ST8SIA3: variants seen among roughly 807,000 people sequenced by gnomAD.
ST8SIA3 encodes alpha-N-acetylneuraminate alpha-2,8-sialyltransferase ST8SIA3.
In ST8SIA3, 17 loss-of-function variants were observed where a neutral mutation model predicts 34.5. The observed-to-expected ratio is 0.49, with a 90% CI of 0.34 to 0.74. The LOEUF (loss-of-function observed/expected upper bound fraction) is 0.74, where lower values mean the gene tolerates loss of function less well. Among genes scored for constraint, ST8SIA3 ranks in the 30% least tolerant of loss-of-function variants. ST8SIA3 has a pLI of 0.01. For synonymous variants in ST8SIA3, 172 were observed against 176.1 expected (o/e 0.98, Z 0.19); for missense variants, 354 against 467.8 (o/e 0.76, Z 2.24).
chr18:57,364,268 A>C lies in ST8SIA3; in HGVS notation c.*3991A>C, dbSNP rs1402840479. On this transcript the variant is annotated 3_prime_UTR_variant, in exon 4 of 4. Coordinates refer to ENST00000324000, the MANE Select transcript of ST8SIA3 (RefSeq NM_015879.3). ...AACCTTGTTTTAGTAATATACATGC[A>C]TAATTTAGAAGTTGAAGGCTGAAAA... 6.6e-6 allele frequency: 1 copy of C among 152,218 alleles called. No homozygotes were observed. The highest frequency in any genetic ancestry group is 2.4e-5 in the African/African-American group (1 of 41,454). The allele number at this position is 152,218 out of a possible 1,614,324, so 9.4% of individuals were successfully genotyped here.
At chr18:57,354,367 C>T (rs1431901815) in intron 1 of ST8SIA3, 35 bp from the exon 2 acceptor site, 2 of 1,612,932 alleles carry the variant, frequency 1.2e-6, no homozygotes, top group East Asian at 2.2e-5. Flanking sequence ...CGAGCTGAGG[C>T]CAGCACGCTT....
rs2049769004 is a variant in ST8SIA3 at position 57,352,614 on chromosome 18, C to T, written c.-233C>T. On this transcript the variant is annotated 5_prime_UTR_variant, in exon 1 of 4. Coordinates refer to ENST00000324000, the MANE Select transcript of ST8SIA3 (RefSeq NM_015879.3). ...TTCCTGCTCGGCACCGGGCCCCGCG[C>T]GCCCCTGCCTACGGGGTCCCGCTGC... 1 of 530,398 alleles carries T rather than the reference C, an allele frequency of 1.9e-6. No homozygotes were observed. The highest frequency in any genetic ancestry group is 3.4e-6 in the Non-Finnish European group (1 of 297,914). The allele number at this position is 530,398 out of a possible 1,614,324, so 32.9% of individuals were successfully genotyped here.
chr18:57,362,216 G>A lies in ST8SIA3; in HGVS notation c.*1939G>A, dbSNP rs974975423. 2 of 152,186 alleles carry A rather than the reference G, an allele frequency of 1.3e-5. No individual in the cohort carries two copies. The highest frequency in any genetic ancestry group is 4.8e-5 in the African/African-American group (2 of 41,444). 9.4% of individuals were successfully genotyped at this position (152,186 alleles called of 1,614,324 possible). Reference sequence around the variant, plus strand: ...GTTTGTTCCCTGTCCCTTTGAAGAGGACTGTACTACCATCCTCACACTGTG... The same window carrying A: ...GTTTGTTCCCTGTCCCTTTGAAGAGAACTGTACTACCATCCTCACACTGTG... On this transcript the variant is annotated 3_prime_UTR_variant, in exon 4 of 4. Coordinates refer to ENST00000324000, the MANE Select transcript of ST8SIA3 (RefSeq NM_015879.3).
Position 57,352,680 on chromosome 18 carries a change from G to GGCT in ST8SIA3, c.-167_-166insGCT. 2.9e-6 allele frequency: 1 copy of GGCT among 349,028 alleles called. No homozygotes were observed. Among genetic ancestry groups the GGCT allele is most frequent in the Non-Finnish European group, 5.5e-6 (1 of 180,816 alleles). 21.6% of individuals were successfully genotyped at this position (349,028 alleles called of 1,614,324 possible). A position where few individuals can be genotyped will look rare whatever the true frequency, so the allele number is the denominator to read the frequency against. ...CCAGCCCCAACCCCCGGCCCCGGTG[G>GGCT]CCTCCCCCCACCCCCGCCCGGGTCC... On this transcript the variant is annotated 5_prime_UTR_variant, in exon 1 of 4. Transcript: ENST00000324000.
chr18:57,366,294 A>C lies in ST8SIA3; in HGVS notation c.*6017A>C, dbSNP rs1289685278. 2 of 152,542 alleles carry C rather than the reference A, an allele frequency of 1.3e-5. No individual in the cohort carries two copies. Among genetic ancestry groups the C allele is most frequent in the Non-Finnish European group, 2.9e-5 (2 of 68,040 alleles). 9.4% of individuals were successfully genotyped at this position (152,542 alleles called of 1,614,324 possible). On this transcript the variant is annotated 3_prime_UTR_variant, in exon 4 of 4. Coordinates refer to ENST00000324000, the MANE Select transcript of ST8SIA3 (RefSeq NM_015879.3). Reference sequence around the variant, plus strand: ...GTAAAAGAGCATATTATTGGATCCCAAGGTGTTCAAATATTCCACGTGACT... The same window carrying C: ...GTAAAAGAGCATATTATTGGATCCCCAGGTGTTCAAATATTCCACGTGACT...
rs2049874350 is a variant in ST8SIA3 at position 57,368,611 on chromosome 18, G to GAC, written c.*8335_*8336dup. On this transcript the variant is annotated 3_prime_UTR_variant, in exon 4 of 4. Coordinates refer to ENST00000324000, the MANE Select transcript of ST8SIA3 (RefSeq NM_015879.3). ...AGAAGCCGAGGGCCTTAACAAATCA[G>GAC]ACTGACCTCCCTTGTGACAGGCAGC... is the stretch of plus-strand genomic sequence containing the variant. 6.6e-6 allele frequency: 1 copy of GAC among 152,192 alleles called. No individual in the cohort carries two copies. The allele number at this position is 152,192 out of a possible 1,614,324, so 9.4% of individuals were successfully genotyped here. A position where few individuals can be genotyped will look rare whatever the true frequency, so the allele number is the denominator to read the frequency against.
In ST8SIA3 at chr18:57,368,352, A is replaced by C. The variant is rs373690712; in HGVS notation, c.*8075A>C. 6 of 152,336 alleles carry C rather than the reference A, an allele frequency of 3.9e-5. No individual in the cohort carries two copies. The highest frequency in any genetic ancestry group is 2.1e-4 in the South Asian group (1 of 4,820). 9.4% of individuals were successfully genotyped at this position (152,336 alleles called of 1,614,324 possible). ...CTCTTTAAGAGTAATGATGAAACCA[A>C]AAGGTCAAAAAGTAGAAGAATAGCG... On this transcript the variant is annotated 3_prime_UTR_variant, in exon 4 of 4. Coordinates refer to ENST00000324000, the MANE Select transcript of ST8SIA3 (RefSeq NM_015879.3).
Position 57,362,761 on chromosome 18 carries a change from A to C in ST8SIA3, c.*2484A>C, listed in dbSNP as rs2049839044. 1 of 152,194 alleles carries C rather than the reference A, an allele frequency of 6.6e-6. No individual in the cohort carries two copies. The highest frequency in any genetic ancestry group is 2.4e-5 in the African/African-American group (1 of 41,446). The allele number at this position is 152,194 out of a possible 1,614,324, so 9.4% of individuals were successfully genotyped here. On this transcript the variant is annotated 3_prime_UTR_variant, in exon 4 of 4. Coordinates refer to ENST00000324000, the MANE Select transcript of ST8SIA3 (RefSeq NM_015879.3). ...GACTTCCTGGAGATGATCCCAATAG[A>C]TCACCCTTCACTTTTGAAGAATAGC...
intron 3 of ST8SIA3, 126 bp from the exon 4 acceptor site, chr18:57,359,869 T>C (rs1598903590): frequency 1.2e-6 from 1 of 821,590 alleles, no homozygotes; most frequent in Non-Finnish European, 1.9e-6. Context: ...GCCTAAAATA[T>C]AATTTCAAAA....
chr18:57,354,523 A>G lies in ST8SIA3; in HGVS notation c.301A>G (p.Arg101Gly). ...TAATCGGACAGCGTTTTTACATCAA[A>G]GGTAGGATAGGAGGAAAAGATCCAA... ...KFNRTAFLHQRQEILQHVDVI... is the reference protein window; with the variant it reads ...KFNRTAFLHQGQEILQHVDVI... Residue 101 changes from arginine to glycine, a missense_variant and splice_region_variant, in exon 2 of 4, where the codon AGG becomes GGG. Arg to Gly is a moderately radical substitution (Grantham distance 125, BLOSUM62 -2). Around this residue, in one of 3 missense-constraint regions of ST8SIA3, gnomAD observed 184 missense variants for 205.4 expected, o/e 0.90. Coordinates refer to ENST00000324000, the MANE Select transcript of ST8SIA3 (RefSeq NM_015879.3). 1 of 1,614,042 alleles carries G rather than the reference A, an allele frequency of 6.2e-7. No individual in the cohort carries two copies. Among genetic ancestry groups the G allele is most frequent in the Non-Finnish European group, 8.5e-7 (1 of 1,179,908 alleles).
chr18:57,364,190 T>C lies in ST8SIA3; in HGVS notation c.*3913T>C, dbSNP rs1373915503. On this transcript the variant is annotated 3_prime_UTR_variant, in exon 4 of 4. Transcript: ENST00000324000. ...TGATAAATAACAATTAAGTTACTGG[T>C]GGTTCATGCTTGACAGCTGCAATCT... 2 of 152,198 alleles carry C rather than the reference T, an allele frequency of 1.3e-5. No homozygotes were observed. Among genetic ancestry groups the C allele is most frequent in the Admixed American group, 1.3e-4 (2 of 15,282 alleles). The allele number at this position is 152,198 out of a possible 1,614,324, so 9.4% of individuals were successfully genotyped here. A position where few individuals can be genotyped will look rare whatever the true frequency, so the allele number is the denominator to read the frequency against.
chr18:57,353,049 T>C (rs569322021), intron 1 of ST8SIA3, 24 bp downstream of exon 1: 9 of 1,596,348 alleles, frequency 5.6e-6, no homozygotes, highest in African/African-American at 2.7e-5. Flanking sequence ...TCTGTGTTAG[T>C]GCCCTCGGGA....
Position 57,360,150 on chromosome 18 carries a change from A to T in ST8SIA3, c.1016A>T (p.Tyr339Phe). Reference sequence around the variant, plus strand: ...AGGGAAGATCTTCCATACCATTACTATGACAAAAAAGGAACCAAATTTACC... The same window carrying T: ...AGGGAAGATCTTCCATACCATTACTTTGACAAAAAAGGAACCAAATTTACC... Reference protein sequence around the residue: ...NTREDLPYHYYDKKGTKFTTK... With the variant: ...NTREDLPYHYFDKKGTKFTTK... The change falls in exon 4 of 4, where the codon TAT becomes TTT. Residue 339 changes from tyrosine (Y) to phenylalanine (F), a missense_variant. Physicochemically the swap from Tyr to Phe is conservative, Grantham distance 22. This residue lies in a region of ST8SIA3 where 166 missense variants were observed against 245.2 expected (regional missense o/e 0.68). Coordinates refer to ENST00000324000, the MANE Select transcript of ST8SIA3 (RefSeq NM_015879.3). The T allele has an allele frequency of 1.2e-6, 2 of 1,614,116 alleles. No homozygotes were observed. The highest frequency in any genetic ancestry group is 1.7e-6 in the Non-Finnish European group (2 of 1,180,004).
In ST8SIA3 at chr18:57,361,483, G is replaced by A. The variant is rs1226047522; in HGVS notation, c.*1206G>A. On this transcript the variant is annotated 3_prime_UTR_variant, in exon 4 of 4. Coordinates refer to ENST00000324000, the MANE Select transcript of ST8SIA3 (RefSeq NM_015879.3). Reference sequence around the variant, plus strand: ...TCTCTTTGAGAACATTGTAGCACTGGATATTCCCTCTTTCCACTGAAGTCA... The same window carrying A: ...TCTCTTTGAGAACATTGTAGCACTGAATATTCCCTCTTTCCACTGAAGTCA... The A allele has an allele frequency of 1.3e-5, 2 of 152,600 alleles. No individual in the cohort carries two copies. The highest frequency in any genetic ancestry group is 2.1e-4 in the South Asian group (1 of 4,814). The allele number at this position is 152,600 out of a possible 1,614,324, so 9.5% of individuals were successfully genotyped here. A position where few individuals can be genotyped will look rare whatever the true frequency, so the allele number is the denominator to read the frequency against.
chr18:57,358,669 T>C (rs1381384893), intron 3 of ST8SIA3, among the ~76,000 whole-genome samples: 4 of 152,094 alleles, frequency 2.6e-5, no homozygotes, highest in Non-Finnish European at 5.9e-5. Flanking sequence ...TTCCCCAGGA[T>C]ATATGGTCAC....
In ST8SIA3 at chr18:57,352,958, A is replaced by G. The variant is rs767948731; in HGVS notation, c.112A>G (p.Ile38Val). ...ISYVSLKKEN[I>V]FTTPKYASPG... ...CTACGTGTCCCTGAAAAAGGAGAAC[A>G]TCTTCACCACTCCCAAGTACGCCAG... Residue 38 changes from isoleucine (I) to valine (V), a missense_variant, in exon 1 of 4, where the codon ATC becomes GTC. Ile to Val is a conservative substitution (Grantham distance 29). This residue lies in a region of ST8SIA3 where 184 missense variants were observed against 205.4 expected (regional missense o/e 0.90). Transcript: ENST00000324000. The G allele has an allele frequency of 6.2e-6, 10 of 1,613,170 alleles. No homozygotes were observed. The East Asian group carries it at 2.2e-4, about 36-fold the overall frequency.
intron 1 of ST8SIA3, among the ~76,000 whole-genome samples, chr18:57,353,236 C>T (rs1311403702): frequency 6.6e-6 from 1 of 152,024 alleles, no homozygotes; most frequent in African/African-American, 2.4e-5. Flanking sequence ...CTGTCCAAAT[C>T]GATGTGATTG....
At position 57,362,569 on chromosome 18, in the gene ST8SIA3, TCTC is replaced by T. The variant is rs1399972466; in HGVS notation, c.*2295_*2297del. 1 of 152,172 alleles carries T rather than the reference TCTC, an allele frequency of 6.6e-6. No homozygotes were observed. Among genetic ancestry groups the T allele is most frequent in the Non-Finnish European group, 1.5e-5 (1 of 68,026 alleles). 9.4% of individuals were successfully genotyped at this position (152,172 alleles called of 1,614,324 possible). A position where few individuals can be genotyped will look rare whatever the true frequency, so the allele number is the denominator to read the frequency against. ...TTTAAGTTCAGGGAGATTTTTTAAA[TCTC>T]CTTGCAGTCTTGGCTCCATCTTAAC... On this transcript the variant is annotated 3_prime_UTR_variant, in exon 4 of 4. Coordinates refer to ENST00000324000, the MANE Select transcript of ST8SIA3 (RefSeq NM_015879.3).
In ST8SIA3 at chr18:57,366,702, T is replaced by G. The variant is rs2049862760; in HGVS notation, c.*6425T>G. 1 of 152,242 alleles carries G rather than the reference T, an allele frequency of 6.6e-6. No homozygotes were observed. Among genetic ancestry groups the G allele is most frequent in the Non-Finnish European group, 1.5e-5 (1 of 68,052 alleles). The allele number at this position is 152,242 out of a possible 1,614,324, so 9.4% of individuals were successfully genotyped here. On this transcript the variant is annotated 3_prime_UTR_variant, in exon 4 of 4. Transcript: ENST00000324000. ...ACCCAGTAAACATCACGCTGAGAGT[T>G]TAAGTTGCACTCAACTGGAGTTGAT...
Sources: gnomAD v4.1 joint callset for allele counts (sites outside exome capture counted in the v4.1 genomes callset) on GRCh38, gnomAD v4.1.1 for gene constraint, gnomAD v4.1.1 regional missense constraint, MANE v1.5 for transcripts, NCBI Gene and HGNC (gene_info 2026-07-23, HGNC 2026-07-21) for gene names.